PLCE1: variants seen among roughly 807,000 people sequenced by gnomAD.
The protein encoded by PLCE1 is 1-phosphatidylinositol 4,5-bisphosphate phosphodiesterase epsilon-1.
PLCE1 carries 119 observed loss-of-function variants against 242.8 expected under a neutral mutation model. The ratio of observed to expected loss-of-function variants is 0.49; its 90% CI spans 0.42 to 0.57. The LOEUF (loss-of-function observed/expected upper bound fraction) is 0.57, where lower values mean the gene tolerates loss of function less well. Ranked by LOEUF, PLCE1 falls within the 20% of genes least tolerant of loss-of-function variation. The probability of loss-of-function intolerance (pLI) is 0.00; values close to 1 mark genes in which losing one functional copy is unlikely to be tolerated. For missense variants in PLCE1, 2,441 were observed against 2,788.8 expected (o/e 0.88, Z 2.81); for synonymous variants, 945 against 1,017.4 (o/e 0.93, Z 1.35).
chr10:94,235,451 A>G (rs1318603961), intron 6 of PLCE1, among the ~76,000 whole-genome samples: 1 of 152,204 alleles, frequency 6.6e-6, no homozygotes, highest in Non-Finnish European at 1.5e-5. Context: ...AAAACCAGGA[A>G]GAAGCCACTG....
intron 2 of PLCE1, among the ~76,000 whole-genome samples, chr10:94,065,288 C>T (rs1288155266): frequency 6.6e-6 from 1 of 152,172 alleles, no homozygotes; most frequent in Non-Finnish European, 1.5e-5. Context: ...ATTGGTGATA[C>T]CATTTATTCC....
At chr10:94,173,241 G>A (rs771157424) in intron 4 of PLCE1, among the ~76,000 whole-genome samples, 8 of 152,208 alleles carry the variant, frequency 5.3e-5, no homozygotes, top group Non-Finnish European at 1.2e-4. Flanking sequence ...ACCTGCAGCA[G>A]GATTGCACTG....
At chr10:94,281,594 A>G (rs1476013238) in intron 20 of PLCE1, among the ~76,000 whole-genome samples, 1 of 152,172 alleles carries the variant, frequency 6.6e-6, no homozygotes, top group Non-Finnish European at 1.5e-5. Context: ...GTTCCAGTAG[A>G]CTGTGATACC....
At position 94,265,880 on chromosome 10, in the gene PLCE1, T is replaced by C; in HGVS notation, c.4203T>C (p.Tyr1401=). The stretch of plus-strand genomic sequence containing the variant: ...AACTGCAGCTACCCCTCTCATACTA[T>C]TACATCGAATCTTCGCACAATACCT... ...IKELQLPLSY[Y]YIESSHNTYL... is the part of the protein sequence containing the mutation. Residue 1401 remains tyrosine, a synonymous_variant, in exon 16 of 33, where the codon TAT becomes TAC. Coordinates refer to ENST00000371380, the MANE Select transcript of PLCE1 (RefSeq NM_016341.4). The C allele has an allele frequency of 1.2e-6, 2 of 1,614,036 alleles. No individual in the cohort carries two copies. The highest frequency in any genetic ancestry group is 1.7e-6 in the Non-Finnish European group (2 of 1,179,936).
chr10:94,253,748 A>G (rs185227607), intron 9 of PLCE1, among the ~76,000 whole-genome samples: 4 of 152,122 alleles, frequency 2.6e-5, no homozygotes, highest in Non-Finnish European at 4.4e-5. Flanking sequence ...TGAGGGATCC[A>G]CCCCCATGAT....
intron 6 of PLCE1, among the ~76,000 whole-genome samples, chr10:94,234,794 G>C (rs1199995275): frequency 1.3e-5 from 2 of 152,134 alleles, no homozygotes; most frequent in African/African-American, 4.8e-5. Flanking sequence ...TCAGAGCCTT[G>C]TTTCTCCCAG....
rs374444229 is a variant in PLCE1 at position 94,092,346 on chromosome 10, T to C, written c.1207-39828T>C. Among the ~76,000 whole-genome samples the C allele has an allele frequency of 4.6e-5, 7 of 152,334 alleles. No homozygotes were observed. In the East Asian group the frequency reaches 1.2e-3, roughly 25 times the overall value. ...AAGAAACAACCGACGCTAAACACTT[T>C]CTTTGTGGCAGGTATTGTGTGAAAT... On this transcript the variant is annotated intron_variant, in intron 2 of 32. Transcript: ENST00000371380.
At chr10:94,081,665 C>T (rs1482299829) in intron 2 of PLCE1, among the ~76,000 whole-genome samples, 7 of 152,208 alleles carry the variant, frequency 4.6e-5, no homozygotes, top group Non-Finnish European at 1.0e-4. Flanking sequence ...CTAAACCTTA[C>T]TTAACTTGAT....
intron 2 of PLCE1, among the ~76,000 whole-genome samples, chr10:94,051,286 CAAA>C (rs869233995): frequency 1.4e-4 from 4 of 29,370 alleles, no homozygotes; most frequent in African/African-American, 2.7e-4. Context: ...GACTCCAACT[CAAA>C]AAAAAAAAAA....
intron 2 of PLCE1, among the ~76,000 whole-genome samples, chr10:94,079,026 A>G (rs1164213553): frequency 6.6e-6 from 1 of 152,172 alleles, no homozygotes; most frequent in Admixed American, 6.5e-5. Context: ...GTGTAATTAG[A>G]ATTCACTTTC....
At chr10:94,179,790 GTCACCACACCCGGCCTAA>G (rs904217938) in intron 4 of PLCE1, among the ~76,000 whole-genome samples, 3 of 151,850 alleles carry the variant, frequency 2.0e-5, no homozygotes, top group African/African-American at 7.2e-5. Context: ...TCAGACGTAC[GTCACCACACCCGGCCTAA>G]TCTCTCATCT....
chr10:94,188,898 C>T (rs938990146), intron 4 of PLCE1, among the ~76,000 whole-genome samples: 1 of 151,876 alleles, frequency 6.6e-6, no homozygotes, highest in Non-Finnish European at 1.5e-5. Context: ...AGCCACCATG[C>T]CCAGCCCTGT....
chr10:94,219,312 T>C (rs1481889061), intron 4 of PLCE1, among the ~76,000 whole-genome samples: 1 of 152,192 alleles, frequency 6.6e-6, no homozygotes, highest in African/African-American at 2.4e-5. Context: ...TTGGTGTATG[T>C]ATATGGAGTC....
chr10:94,214,674 G>A (rs550799358), intron 4 of PLCE1, among the ~76,000 whole-genome samples: 12 of 152,052 alleles, frequency 7.9e-5, no homozygotes, highest in Admixed American at 6.5e-5. Flanking sequence ...GCTGGTTGTC[G>A]GTCTCCTTCT....
At chr10:94,217,407 G>A (rs1032629188) in intron 4 of PLCE1, among the ~76,000 whole-genome samples, 1 of 152,308 alleles carries the variant, frequency 6.6e-6, no homozygotes, top group Non-Finnish European at 1.5e-5. Flanking sequence ...TATGTAAACT[G>A]TTAGTGATGG....
chr10:94,166,574 A>T (rs1002647759), intron 3 of PLCE1, among the ~76,000 whole-genome samples: 1 of 100,432 alleles, frequency 1.0e-5, no homozygotes, highest in Admixed American at 1.2e-4. Flanking sequence ...CCAGAAGAGA[A>T]AAAAGGTGTG....
intron 4 of PLCE1, among the ~76,000 whole-genome samples, chr10:94,195,688 TG>T (rs2048798274): frequency 6.6e-6 from 1 of 152,182 alleles, no homozygotes; most frequent in African/African-American, 2.4e-5. Context: ...CCCACCTGCT[TG>T]CAATAGTTTT....
At position 94,329,135 on chromosome 10, in the gene PLCE1, T is replaced by G. The variant is rs2054127430; in HGVS notation, c.*1192T>G. 1 of 152,206 alleles carries G rather than the reference T, an allele frequency of 6.6e-6. No individual in the cohort carries two copies. Among genetic ancestry groups the G allele is most frequent in the Admixed American group, 6.5e-5 (1 of 15,284 alleles). The allele number at this position is 152,206 out of a possible 1,614,324, so 9.4% of individuals were successfully genotyped here. On this transcript the variant is annotated 3_prime_UTR_variant, in exon 33 of 33. Coordinates refer to ENST00000371380, the MANE Select transcript of PLCE1 (RefSeq NM_016341.4). ...CTGAACATCTGAAATGGGCTAGACT[T>G]TCAAGTAAAATTGCTTCATTTCTCA...
In PLCE1 at chr10:94,031,416, G is replaced by A; in HGVS notation, c.370G>A (p.Glu124Lys). Residue 124 changes from glutamate (E) to lysine (K), a missense_variant, in exon 2 of 33, where the codon GAA becomes AAA. Glu to Lys is a moderately conservative substitution (Grantham distance 56). Coordinates refer to ENST00000371380, the MANE Select transcript of PLCE1 (RefSeq NM_016341.4). Reference sequence around the variant, plus strand: ...TGGCCTTCCTCAGAGACAATTTTATGAAATGTACAACTCTGTTGCTGAGGA... The same window carrying A: ...TGGCCTTCCTCAGAGACAATTTTATAAAATGTACAACTCTGTTGCTGAGGA... The part of the protein sequence containing the change: ...QHGLPQRQFY[E>K]MYNSVAEEDL... 6.2e-7 allele frequency: 1 copy of A among 1,613,848 alleles called. No individual in the cohort carries two copies. The highest frequency in any genetic ancestry group is 8.5e-7 in the Non-Finnish European group (1 of 1,179,858).
Sources: allele counts gnomAD v4.1 joint callset (sites outside exome capture counted in the v4.1 genomes callset), GRCh38; gene constraint gnomAD v4.1.1; transcripts MANE v1.5; gene names NCBI Gene and HGNC (gene_info 2026-07-23, HGNC 2026-07-21).